Variants in RAD51 observed in about 807,000 individuals in gnomAD.
RAD51 encodes the protein DNA repair protein RAD51 homolog 1.
Under a neutral mutation model 41.5 loss-of-function variants are expected in RAD51, and 14 were observed. The ratio of observed to expected loss-of-function variants is 0.34; its 90% CI spans 0.22 to 0.53. The LOEUF (loss-of-function observed/expected upper bound fraction) is 0.53. Among genes scored for constraint, RAD51 ranks in the 20% least tolerant of loss-of-function variants. RAD51 has a pLI of 0.95. For synonymous variants in RAD51, 136 were observed against 148.6 expected (o/e 0.92, Z 0.62); for missense variants, 234 against 422.0 (o/e 0.55, Z 3.90).
In RAD51 at chr15:40,701,063, G is replaced by A. The variant is rs1894955695; in HGVS notation, c.88-1G>A. On this transcript the variant is annotated splice_acceptor_variant, in intron 2 of 9. Transcript: ENST00000267868. LOFTEE classifies it high-confidence loss of function. ...TTATCCATGGTTTTCTTCATTTGCA[G>A]CAGTGTGGCATAAATGCCAACGATG... 1.2e-6 allele frequency: 2 copies of A among 1,614,202 alleles called. No individual in the cohort carries two copies. Among genetic ancestry groups the A allele is most frequent in the African/African-American group, 1.3e-5 (1 of 75,050 alleles).
chr15:40,704,022 C>T (rs1001850855), intron 3 of RAD51, among the ~76,000 whole-genome samples: 1 of 151,956 alleles, frequency 6.6e-6, no homozygotes, highest in African/African-American at 2.4e-5. Flanking sequence ...TCTGCCTCAG[C>T]CTCCCAGGTA....
chr15:40,720,011 G>T (rs551984561), intron 6 of RAD51, among the ~76,000 whole-genome samples: 43 of 151,998 alleles, frequency 2.8e-4, no homozygotes, highest in African/African-American at 1.0e-3. Flanking sequence ...TAATAGTAAG[G>T]GACCAGTTTT....
chr15:40,696,310 C>T (rs1286053963), intron 1 of RAD51, among the ~76,000 whole-genome samples: 4 of 152,052 alleles, frequency 2.6e-5, no homozygotes, highest in Admixed American at 1.3e-4. Context: ...CGTCGTGTCT[C>T]ACGTCTGTAG....
At chr15:40,707,429 C>G (rs1352269028) in intron 4 of RAD51, among the ~76,000 whole-genome samples, 4 of 152,116 alleles carry the variant, frequency 2.6e-5, no homozygotes, top group Non-Finnish European at 5.9e-5. Context: ...GCCTCAGCCT[C>G]CCAAGTAGCT....
intron 3 of RAD51, among the ~76,000 whole-genome samples, chr15:40,703,815 A>G (rs1895151380): frequency 6.6e-6 from 1 of 151,844 alleles, no homozygotes; most frequent in Non-Finnish European, 1.5e-5. Flanking sequence ...TCTGCCCTCT[A>G]CTTAATAGTT....
chr15:40,715,175 G>T (rs1895924041), intron 5 of RAD51, among the ~76,000 whole-genome samples: 1 of 152,080 alleles, frequency 6.6e-6, no homozygotes, highest in Non-Finnish European at 1.5e-5. Context: ...GGCCAAGATG[G>T]TGCAACCCTG....
At chr15:40,702,118 C>T (rs1245847262) in intron 3 of RAD51, among the ~76,000 whole-genome samples, 2 of 152,024 alleles carry the variant, frequency 1.3e-5, no homozygotes, top group African/African-American at 4.8e-5. Context: ...TTTCACGTAT[C>T]GATTACTGTT....
At chr15:40,719,042 G>A (rs1050581752) in intron 6 of RAD51, 143 bp downstream of exon 6, 50 of 717,642 alleles carry the variant, frequency 7.0e-5, no homozygotes, top group Non-Finnish European at 1.1e-4. Flanking sequence ...GACTTCCTTA[G>A]TAGAAAAAGG....
intron 5 of RAD51, among the ~76,000 whole-genome samples, chr15:40,711,647 A>G (rs1216720637): frequency 6.6e-6 from 1 of 152,218 alleles, no homozygotes; most frequent in African/African-American, 2.4e-5. Flanking sequence ...AAGGAAATTA[A>G]AAGCATTTAA....
At chr15:40,709,494 C>T (rs1895557736) in intron 5 of RAD51, among the ~76,000 whole-genome samples, 1 of 151,524 alleles carries the variant, frequency 6.6e-6, no homozygotes, top group Non-Finnish European at 1.5e-5. Context: ...CTTCATCAAC[C>T]TCCCGAGTAC....
intron 6 of RAD51, among the ~76,000 whole-genome samples, chr15:40,726,892 G>C (rs755457693): frequency 7.0e-6 from 1 of 142,150 alleles, no homozygotes; most frequent in Non-Finnish European, 1.5e-5. Flanking sequence ...CAGCCTGGGC[G>C]ACAGAGTGAG....
intron 1 of RAD51, among the ~76,000 whole-genome samples, chr15:40,697,773 G>C (rs533940667): frequency 3.3e-4 from 49 of 150,684 alleles, no homozygotes; most frequent in African/African-American, 1.1e-3. Context: ...GGATGGTCTC[G>C]ATCTCCTGAC....
At chr15:40,723,842 A>G (rs1020086515) in intron 6 of RAD51, among the ~76,000 whole-genome samples, 2 of 152,162 alleles carry the variant, frequency 1.3e-5, no homozygotes, top group African/African-American at 2.4e-5. Flanking sequence ...GCTCGTGAAG[A>G]GTTTGTAAGT....
Position 40,723,891 on chromosome 15 carries a change from C to G in RAD51, c.531-4820C>G, listed in dbSNP as rs374500230. Among the ~76,000 whole-genome samples, 14 of 152,328 alleles carry G rather than the reference C, an allele frequency of 9.2e-5. No homozygotes were observed. In the East Asian group the frequency reaches 1.5e-3, roughly 17 times the overall value. On this transcript the variant is annotated intron_variant, in intron 6 of 9. Transcript: ENST00000267868. ...AAAGTTTTTAAATACATCCTCAAAACTGTTTCACTTCTTTTCCTTTGTCTA... is the reference window on the plus strand; with the variant it reads ...AAAGTTTTTAAATACATCCTCAAAAGTGTTTCACTTCTTTTCCTTTGTCTA...
At chr15:40,722,576 C>G (rs1896335882) in intron 6 of RAD51, among the ~76,000 whole-genome samples, 2 of 152,012 alleles carry the variant, frequency 1.3e-5, no homozygotes, top group Admixed American at 1.3e-4. Context: ...TGAAAAAGCT[C>G]TGGAGATGAA....
intron 6 of RAD51, among the ~76,000 whole-genome samples, chr15:40,726,041 T>C (rs1241672447): frequency 6.6e-6 from 1 of 152,092 alleles, no homozygotes; most frequent in East Asian, 1.9e-4. Flanking sequence ...TGATGCTTGC[T>C]AAAGTTTGAA....
At chr15:40,715,738 A>G (rs550999552) in intron 5 of RAD51, among the ~76,000 whole-genome samples, 3 of 152,186 alleles carry the variant, frequency 2.0e-5, no homozygotes, top group Non-Finnish European at 4.4e-5. Context: ...CCTATTCCCA[A>G]TCATCTGTGG....
chr15:40,709,785 A>G (rs1439970224), intron 5 of RAD51, among the ~76,000 whole-genome samples: 8 of 152,210 alleles, frequency 5.3e-5, no homozygotes. Flanking sequence ...GATGAAACTC[A>G]TCTATCTTCT....
At position 40,729,368 on chromosome 15, in the gene RAD51, A is replaced by G. The variant is rs1255572228; in HGVS notation, c.645-137A>G. 7.8e-6 allele frequency: 7 copies of G among 894,042 alleles called. No individual in the cohort carries two copies. In the South Asian group the frequency reaches 9.4e-5, roughly 12 times the overall value. The allele number at this position is 894,042 out of a possible 1,614,324, so 55.4% of individuals were successfully genotyped here. On this transcript the variant is annotated intron_variant, in intron 7 of 9. Transcript: ENST00000267868. Reference sequence around the variant, plus strand: ...AGCCTGGGCGACAGAGCTAGACTCCATCTCAAAAAAAAAAAAAAAAAAAAA... The same window carrying G: ...AGCCTGGGCGACAGAGCTAGACTCCGTCTCAAAAAAAAAAAAAAAAAAAAA...
Sources: allele counts gnomAD v4.1 joint callset (sites outside exome capture counted in the v4.1 genomes callset), GRCh38; gene constraint gnomAD v4.1.1; transcripts MANE v1.5; gene names NCBI Gene and HGNC (gene_info 2026-07-23, HGNC 2026-07-21).